TRPM3: variants seen among roughly 807,000 people sequenced by gnomAD.
TRPM3 encodes transient receptor potential cation channel subfamily M member 3, also known as long transient receptor potential channel 3.
Under a neutral mutation model 181.2 loss-of-function variants are expected in TRPM3, and 77 were observed. That is an observed-to-expected ratio of 0.42 (90% CI 0.35 to 0.51). The LOEUF (loss-of-function observed/expected upper bound fraction) is 0.51. TRPM3 is among the 20% of genes least tolerant of loss of function. The probability of loss-of-function intolerance (pLI) is 0.01; values close to 1 mark genes in which losing one functional copy is unlikely to be tolerated. For synonymous variants in TRPM3, 745 were observed against 796.4 expected, an observed-to-expected ratio of 0.94 and a Z score of 1.09; for missense variants, 1,759 against 2,196.7, an observed-to-expected ratio of 0.80 and a Z score of 3.98.
intron 1 of TRPM3, among the ~76,000 whole-genome samples, chr9:71,034,415 G>A (rs2057926297): frequency 6.6e-6 from 1 of 152,138 alleles, no homozygotes; most frequent in Non-Finnish European, 1.5e-5. Flanking sequence ...AAAAAAGAGA[G>A]GTGAATATTT....
chr9:70,542,766 G>A (rs1307966787), intron 25 of TRPM3, among the ~76,000 whole-genome samples: 2 of 152,184 alleles, frequency 1.3e-5, no homozygotes, highest in Non-Finnish European at 2.9e-5. Flanking sequence ...TGCTGGCAGT[G>A]GGGTGCATGT....
chr9:71,047,837 C>CACAA (rs2059621588), intron 1 of TRPM3, among the ~76,000 whole-genome samples: 2 of 151,550 alleles, frequency 1.3e-5, no homozygotes, highest in East Asian at 3.9e-4. Context: ...CACACACACA[C>CACAA]ACACACACAC....
At position 70,918,606 on chromosome 9, in the gene TRPM3, T is replaced by C. The variant is rs1318812692; in HGVS notation, c.178-54095A>G. On this transcript the variant is annotated intron_variant, in intron 1 of 25. Transcript: ENST00000677713. ...ACACAACATACCAAAAACTGTGGGA[T>C]ACAGCAAAAGCAGTACTAAGGGGGA... Among the ~76,000 whole-genome samples the C allele has an allele frequency of 3.3e-5, 5 of 152,140 alleles. No individual in the cohort carries two copies. The East Asian group carries it at 9.6e-4, about 29-fold the overall frequency.
At chr9:70,916,584 G>A (rs2096597197) in intron 1 of TRPM3, among the ~76,000 whole-genome samples, 1 of 151,944 alleles carries the variant, frequency 6.6e-6, no homozygotes, top group Non-Finnish European at 1.5e-5. Flanking sequence ...TTTGCAGGGT[G>A]GATAAGCTCA....
intron 1 of TRPM3, among the ~76,000 whole-genome samples, chr9:70,905,010 A>T (rs970688446): frequency 6.6e-6 from 1 of 152,232 alleles, no homozygotes; most frequent in Admixed American, 6.5e-5. Context: ...CTGTTTTGGC[A>T]ACTTTCAAGG....
intron 1 of TRPM3, among the ~76,000 whole-genome samples, chr9:71,313,183 A>T (rs1202354936): frequency 6.6e-6 from 1 of 152,158 alleles, no homozygotes. Context: ...GAAATTCTGT[A>T]TGTTCTGTTT....
intron 16 of TRPM3, 126 bp from the exon 17 acceptor site, chr9:70,619,221 G>T: frequency 2.8e-6 from 2 of 723,734 alleles, no homozygotes; most frequent in South Asian, 3.4e-5. Flanking sequence ...ATGGGGTCTA[G>T]TCTGTTTGTA....
At chr9:71,306,034 T>A (rs2087278033) in intron 1 of TRPM3, among the ~76,000 whole-genome samples, 1 of 152,132 alleles carries the variant, frequency 6.6e-6, no homozygotes, top group Non-Finnish European at 1.5e-5. Flanking sequence ...AATTCTCCTG[T>A]CAAGTTTGAC....
intron 25 of TRPM3, among the ~76,000 whole-genome samples, chr9:70,543,426 C>T (rs780724687): frequency 2.6e-4 from 39 of 152,258 alleles, no homozygotes; most frequent in Non-Finnish European, 5.3e-4. Flanking sequence ...TATCAAACAG[C>T]AGATCTTATT....
At chr9:71,050,384 G>C (rs985808099) in intron 1 of TRPM3, among the ~76,000 whole-genome samples, 1 of 152,046 alleles carries the variant, frequency 6.6e-6, no homozygotes, top group African/African-American at 2.4e-5. Context: ...TTTAACTAAG[G>C]CAGAGATAAG....
At chr9:70,573,597 T>C (rs1200301094) in intron 22 of TRPM3, among the ~76,000 whole-genome samples, 1 of 150,214 alleles carries the variant, frequency 6.7e-6, no homozygotes, top group Non-Finnish European at 1.5e-5. Context: ...GCAAAAACAA[T>C]CAGGGAGGGC....
chr9:71,034,717 T>C (rs1272980021), intron 1 of TRPM3, among the ~76,000 whole-genome samples: 30 of 152,102 alleles, frequency 2.0e-4, no homozygotes, highest in Admixed American at 1.8e-3. Context: ...ATTTACATCA[T>C]GGAAATCAAC....
rs2057673640 is a variant in TRPM3 at position 70,639,154 on chromosome 9, A to G, written c.1487T>C (p.Leu496Pro). 6.2e-7 allele frequency: 1 copy of G among 1,613,910 alleles called. No homozygotes were observed. The highest frequency in any genetic ancestry group is 8.5e-7 in the Non-Finnish European group (1 of 1,179,950). Residue 496 changes from leucine (L) to proline (P), a missense_variant, in exon 11 of 26, where the codon CTG becomes CCG. By Grantham distance (98) the Leu-to-Pro change is moderately conservative. Coordinates refer to ENST00000677713, the MANE Select transcript of TRPM3 (RefSeq NM_001366145.2). ...LEQAMLDALV[L>P]DRVDFVKLLI... Reference sequence around the variant, plus strand: ...TAATTTCACAAAATCCACTCTGTCCAGAACTAAGGCATCCAACATGGCTTG... The same window carrying G: ...TAATTTCACAAAATCCACTCTGTCCGGAACTAAGGCATCCAACATGGCTTG...
At chr9:70,628,433 G>T (rs1377342827) in intron 12 of TRPM3, among the ~76,000 whole-genome samples, 1 of 152,172 alleles carries the variant, frequency 6.6e-6, no homozygotes, top group African/African-American at 2.4e-5. Context: ...GTGTTCAAAG[G>T]CCAGGTTTCA....
At chr9:71,204,971 C>T (rs968009432) in intron 1 of TRPM3, among the ~76,000 whole-genome samples, 1 of 152,020 alleles carries the variant, frequency 6.6e-6, no homozygotes, top group African/African-American at 2.4e-5. Flanking sequence ...GGACAAAAAA[C>T]CAAACACGGC....
chr9:70,675,548 A>G (rs1352313142), intron 9 of TRPM3, among the ~76,000 whole-genome samples: 3 of 152,236 alleles, frequency 2.0e-5, no homozygotes, highest in African/African-American at 7.2e-5. Flanking sequence ...AAATAAAATG[A>G]TAGGAACTAT....
intron 1 of TRPM3, among the ~76,000 whole-genome samples, chr9:70,949,249 G>C (rs991843093): frequency 4.0e-5 from 6 of 151,850 alleles, no homozygotes; most frequent in African/African-American, 1.5e-4. Flanking sequence ...GTAGAGATGA[G>C]GTCTCACTAT....
chr9:71,230,878 C>T (rs951908245), intron 1 of TRPM3, among the ~76,000 whole-genome samples: 8 of 152,124 alleles, frequency 5.3e-5, no homozygotes, highest in African/African-American at 1.9e-4. Flanking sequence ...AGTAAATATT[C>T]CTGTTTTGGC....
chr9:71,152,812 G>A (rs2075802255), intron 1 of TRPM3, among the ~76,000 whole-genome samples: 1 of 152,130 alleles, frequency 6.6e-6, no homozygotes, highest in African/African-American at 2.4e-5. Context: ...GCAACTTGTG[G>A]ATGACTGTGT....
Sources: gnomAD v4.1 joint callset for allele counts (sites outside exome capture counted in the v4.1 genomes callset) on GRCh38, gnomAD v4.1.1 for gene constraint, MANE v1.5 for transcripts, NCBI Gene and HGNC (gene_info 2026-07-23, HGNC 2026-07-21) for gene names.